Variants in LYST observed in about 807,000 individuals in gnomAD.
LYST encodes the protein lysosomal-trafficking regulator.
Under a neutral mutation model 413.6 loss-of-function variants are expected in LYST, and 192 were observed. The observed-to-expected ratio is 0.46, with a 90% CI of 0.41 to 0.52. LYST has a LOEUF of 0.52. LYST is among the 20% of genes least tolerant of loss of function. LYST has a pLI of 0.00. For synonymous variants in LYST, 1,525 were observed against 1,567.3 expected (o/e 0.97, Z 0.64); for missense variants, 3,815 against 4,499.9 (o/e 0.85, Z 4.35).
intron 22 of LYST, among the ~76,000 whole-genome samples, chr1:235,760,567 T>C (rs1367593083): frequency 6.6e-6 from 1 of 152,178 alleles, no homozygotes; most frequent in Non-Finnish European, 1.5e-5. Context: ...ACTGGTAGCA[T>C]GGGCATCAAT....
At chr1:235,849,396 C>G (rs879431242) in intron 1 of LYST, among the ~76,000 whole-genome samples, 3 of 151,990 alleles carry the variant, frequency 2.0e-5, no homozygotes, top group African/African-American at 4.8e-5. Context: ...TATGACAAAC[C>G]CACAGCCAAC....
At chr1:235,754,219 CTTTT>C (rs1666771090) in intron 25 of LYST, among the ~76,000 whole-genome samples, 1 of 128,542 alleles carries the variant, frequency 7.8e-6, no homozygotes, top group African/African-American at 2.8e-5. Flanking sequence ...ATCTTTTTTT[CTTTT>C]CTTTTCTTTT....
At chr1:235,793,071 A>C (rs1360182519) in intron 11 of LYST, among the ~76,000 whole-genome samples, 1 of 152,216 alleles carries the variant, frequency 6.6e-6, no homozygotes, top group Non-Finnish European at 1.5e-5. Context: ...TGGGTTTCCT[A>C]GCAGATAATA....
chr1:235,813,164 G>A, intron 3 of LYST, 103 bp from the exon 4 acceptor site: 2 of 723,288 alleles, frequency 2.8e-6, no homozygotes, highest in South Asian at 1.5e-5. Context: ...TTTCTTGAAA[G>A]TCTGCATTTG....
At chr1:235,724,861 C>T (rs557359349) in intron 38 of LYST, among the ~76,000 whole-genome samples, 7 of 152,320 alleles carry the variant, frequency 4.6e-5, no homozygotes, top group South Asian at 4.1e-4. Context: ...AGGGAAATGA[C>T]ATCCCCAGAA....
intron 42 of LYST, chr1:235,712,585 T>C: frequency 1.0e-6 from 1 of 982,164 alleles, no homozygotes; most frequent in Non-Finnish European, 1.2e-6. Flanking sequence ...AGAAGGAAGA[T>C]TTAAGTTCAA....
intron 3 of LYST, among the ~76,000 whole-genome samples, chr1:235,819,646 T>C (rs1306247498): frequency 6.6e-6 from 1 of 152,158 alleles, no homozygotes; most frequent in Non-Finnish European, 1.5e-5. Flanking sequence ...TATTTAATAC[T>C]TTTATTTTGT....
intron 50 of LYST, among the ~76,000 whole-genome samples, chr1:235,668,080 T>A (rs1317505977): frequency 2.0e-5 from 3 of 152,184 alleles, no homozygotes; most frequent in Admixed American, 6.5e-5. Context: ...AGTCTGTACA[T>A]ACTAAGTACA....
At chr1:235,706,997 G>C (rs557758968) in intron 44 of LYST, among the ~76,000 whole-genome samples, 2 of 152,322 alleles carry the variant, frequency 1.3e-5, no homozygotes, top group East Asian at 3.9e-4. Context: ...ATAAACGCTT[G>C]TAGATTTGCT....
chr1:235,813,471 C>CA (rs568641327), intron 3 of LYST, among the ~76,000 whole-genome samples: 55 of 152,132 alleles, frequency 3.6e-4, no homozygotes, highest in African/African-American at 1.3e-3. Context: ...ATGAAAAACT[C>CA]AGAGACGATT....
chr1:235,733,506 T>C lies in LYST; in HGVS notation c.8798A>G (p.Asp2933Gly). The C allele has an allele frequency of 6.2e-7, 1 of 1,613,836 alleles. No homozygotes were observed. The highest frequency in any genetic ancestry group is 8.5e-7 in the Non-Finnish European group (1 of 1,179,802). ...WQELIQQLTH[D>G]RAVWYDPIYY... is the part of the protein sequence containing the mutation. Reference sequence around the variant, plus strand: ...TAACTGACCTCCCGCAGCTTACCTATCATGTGTCAGCTGCTGAATAAGTTC... The same window carrying C: ...TAACTGACCTCCCGCAGCTTACCTACCATGTGTCAGCTGCTGAATAAGTTC... Residue 2933 changes from aspartate (D) to glycine (G), a missense_variant, in exon 34 of 53, where the codon GAT becomes GGT. By Grantham distance (94) the Asp-to-Gly change is moderately conservative. Transcript: ENST00000389793.
intron 10 of LYST, among the ~76,000 whole-genome samples, chr1:235,796,155 A>C (rs1046718337): frequency 6.6e-6 from 1 of 152,106 alleles, no homozygotes; most frequent in African/African-American, 2.4e-5. Context: ...AAAAAAGAGG[A>C]GGGAATATGG....
intron 48 of LYST, among the ~76,000 whole-genome samples, chr1:235,682,734 T>C (rs957165681): frequency 6.6e-6 from 1 of 152,234 alleles, no homozygotes; most frequent in African/African-American, 2.4e-5. Context: ...TAATACAAAG[T>C]AAGCAGTCAG....
intron 1 of LYST, among the ~76,000 whole-genome samples, chr1:235,862,712 C>A (rs895197111): frequency 1.5e-4 from 22 of 151,416 alleles, no homozygotes; most frequent in African/African-American, 5.3e-4. Context: ...AGGAGAATCG[C>A]TTGAACCTAG....
chr1:235,837,277 A>G (rs150424923), intron 1 of LYST, among the ~76,000 whole-genome samples: 53 of 152,326 alleles, frequency 3.5e-4, no homozygotes, highest in African/African-American at 1.2e-3. Context: ...GGTATCTCCC[A>G]GAAACCAGGT....
intron 1 of LYST, among the ~76,000 whole-genome samples, chr1:235,862,389 A>G (rs1030444258): frequency 6.6e-6 from 1 of 152,124 alleles, no homozygotes; most frequent in African/African-American, 2.4e-5. Flanking sequence ...ATAATTCATA[A>G]TTTCAAATTG....
At chr1:235,859,407 C>T (rs957471737) in intron 1 of LYST, among the ~76,000 whole-genome samples, 2 of 152,198 alleles carry the variant, frequency 1.3e-5, no homozygotes, top group South Asian at 2.1e-4. Context: ...TACCCACTAA[C>T]CTCCCTTCAT....
Position 235,809,464 on chromosome 1 carries a change from T to C in LYST, c.1354A>G (p.Met452Val), listed in dbSNP as rs767084043. 1.9e-6 allele frequency: 3 copies of C among 1,613,918 alleles called. No homozygotes were observed. Among genetic ancestry groups the C allele is most frequent in the Non-Finnish European group, 1.7e-6 (2 of 1,179,986 alleles). The change falls in exon 5 of 53, where the codon ATG (methionine) becomes GTG (valine). Residue 452 changes from methionine to valine, a missense_variant. Around this residue, in one of 4 missense-constraint regions of LYST, gnomAD observed 1,648 missense variants for 1,810.3 expected, o/e 0.91. Coordinates refer to ENST00000389793, the MANE Select transcript of LYST (RefSeq NM_000081.4). The surrounding 1 kb of genome is among the most constrained non-coding windows in gnomAD (Gnocchi z 4.0). ...CCATCTCTTAAAACCAGCCATTCCA[T>C]TTGAAGAACTGCTGTTTCAAATAAA... ...FNLFETAVLQ[M>V]EWLVLRDGVP...
At chr1:235,746,765 T>C (rs941189804) in intron 28 of LYST, among the ~76,000 whole-genome samples, 1 of 152,192 alleles carries the variant, frequency 6.6e-6, no homozygotes, top group African/African-American at 2.4e-5. Flanking sequence ...GTGACACAGC[T>C]TAGTAAAACA....
Sources: gnomAD v4.1 joint callset for allele counts (sites outside exome capture counted in the v4.1 genomes callset) on GRCh38, gnomAD v4.1.1 for gene constraint, gnomAD v4.1.1 regional missense constraint, Gnocchi (gnomAD v3.1) non-coding constraint, MANE v1.5 for transcripts, NCBI Gene and HGNC (gene_info 2026-07-23, HGNC 2026-07-21) for gene names.